The following CYSLTR2 variants were observed in gnomAD, a reference collection of about 807,000 sequenced individuals.
CYSLTR2 encodes the protein G-protein coupled receptor GPCR21.
For missense variants in CYSLTR2, 398 were observed against 411.9 expected, an observed-to-expected ratio of 0.97 and a Z score of 0.29; for synonymous variants, 179 against 160.8, an observed-to-expected ratio of 1.11 and a Z score of -0.86.
rs1160996295 is a variant in CYSLTR2 at position 48,710,605 on chromosome 13, C to T, written c.*2747C>T. The T allele has an allele frequency of 6.6e-6, 1 of 152,150 alleles. No homozygotes were observed. The highest frequency in any genetic ancestry group is 1.9e-4 in the East Asian group (1 of 5,202). 9.4% of individuals were successfully genotyped at this position (152,150 alleles called of 1,614,324 possible). On this transcript the variant is annotated 3_prime_UTR_variant, in exon 5 of 5. Transcript: ENST00000682523. ...CACATGCTGAAGTTGCTAAGATCTACAGTAAGAACAAATCCATCTGTAAAA... is the reference window on the plus strand; with the variant it reads ...CACATGCTGAAGTTGCTAAGATCTATAGTAAGAACAAATCCATCTGTAAAA...
Position 48,696,285 on chromosome 13 carries a change from T to C in CYSLTR2, c.-102-241T>C, listed in dbSNP as rs573367591. On this transcript the variant is annotated intron_variant, in intron 3 of 4. Transcript: ENST00000682523. ...ACTGTTGATATTCAAGAGTTCTTTA[T>C]ATATTCTAAATAACCCTGTTTTGAT... 2.2e-4 allele frequency among the ~76,000 whole-genome samples: 33 copies of C among 152,376 alleles called. No homozygotes were observed. In the South Asian group the frequency reaches 6.4e-3, roughly 30 times the overall value.
chr13:48,700,954 G>A (rs1335057060), intron 4 of CYSLTR2, among the ~76,000 whole-genome samples: 1 of 152,204 alleles, frequency 6.6e-6, no homozygotes. Flanking sequence ...TACAAGGGAT[G>A]TGAAGGGCCT....
intron 1 of CYSLTR2, among the ~76,000 whole-genome samples, chr13:48,683,182 A>G (rs894171698): frequency 3.9e-5 from 6 of 152,154 alleles, no homozygotes; most frequent in South Asian, 2.1e-4. Context: ...TAGTGCTGCA[A>G]TGAACATATG....
At chr13:48,668,835 C>T (rs979207751) in intron 1 of CYSLTR2, among the ~76,000 whole-genome samples, 7 of 152,148 alleles carry the variant, frequency 4.6e-5, no homozygotes, top group African/African-American at 1.7e-4. Context: ...GTTCAACTCC[C>T]ACTTCTGAGT....
intron 1 of CYSLTR2, among the ~76,000 whole-genome samples, chr13:48,656,681 C>T (rs1228822456): frequency 2.0e-5 from 3 of 152,144 alleles, no homozygotes; most frequent in Admixed American, 6.5e-5. Flanking sequence ...CCTTGGGCAT[C>T]GTTAGCATTT....
At position 48,710,027 on chromosome 13, in the gene CYSLTR2, C is replaced by T. The variant is rs1594039955; in HGVS notation, c.*2169C>T. ...AAAATAAGCAAGTAAAAACGCAATA[C>T]AGTTTTTAAGTGCTAGAGGAAAAGA... On this transcript the variant is annotated 3_prime_UTR_variant, in exon 5 of 5. Transcript: ENST00000682523. The T allele has an allele frequency of 6.6e-6, 1 of 152,146 alleles. No homozygotes were observed. The highest frequency in any genetic ancestry group is 6.5e-5 in the Admixed American group (1 of 15,278). 9.4% of individuals were successfully genotyped at this position (152,146 alleles called of 1,614,324 possible). A position where few individuals can be genotyped will look rare whatever the true frequency, so the allele number is the denominator to read the frequency against.
rs74075002 is a variant in CYSLTR2, at chr13:48,660,853, G to A, written c.-266+6836G>A. Among the ~76,000 whole-genome samples, 1,055 of 152,278 alleles carry A rather than the reference G, an allele frequency of 6.9e-3. 15 individuals carry two copies. The highest frequency in any genetic ancestry group is 0.024 in the African/African-American group (1,005 of 41,550). On this transcript the variant is annotated intron_variant, in intron 1 of 4. Coordinates refer to ENST00000682523, the MANE Select transcript of CYSLTR2 (RefSeq NM_001308476.3). Reference sequence around the variant, plus strand: ...TGATACTTCCCTGTTCTGGAGGGCCGTGTTAATTCAGCACTCTGAGGCCTC... The same window carrying A: ...TGATACTTCCCTGTTCTGGAGGGCCATGTTAATTCAGCACTCTGAGGCCTC...
chr13:48,688,776 A>G (rs1437656185), intron 1 of CYSLTR2, among the ~76,000 whole-genome samples: 2 of 152,196 alleles, frequency 1.3e-5, no homozygotes, highest in Non-Finnish European at 2.9e-5. Flanking sequence ...TATACCCAGT[A>G]ATGGGATGGC....
At position 48,684,092 on chromosome 13, in the gene CYSLTR2, T is replaced by C. The variant is rs58314477; in HGVS notation, c.-265-7120T>C. On this transcript the variant is annotated intron_variant, in intron 1 of 4. Transcript: ENST00000682523. ...CACCACCATACCTGGCTAATTTTTT[T>C]AAATTACTTTTTGTAGAGATCGGGG... 6.2e-3 allele frequency among the ~76,000 whole-genome samples: 944 copies of C among 152,016 alleles called. 12 individuals carry two copies. The highest frequency in any genetic ancestry group is 0.021 in the African/African-American group (888 of 41,390).
At chr13:48,657,845 T>G (rs1365347405) in intron 1 of CYSLTR2, among the ~76,000 whole-genome samples, 2 of 151,568 alleles carry the variant, frequency 1.3e-5, no homozygotes, top group East Asian at 3.9e-4. Flanking sequence ...TTGTATAAAT[T>G]TATGGATTAC....
At chr13:48,695,067 CATTTT>C (rs1340082999) in intron 3 of CYSLTR2, among the ~76,000 whole-genome samples, 5 of 83,698 alleles carry the variant, frequency 6.0e-5, no homozygotes, top group Admixed American at 2.5e-4. Context: ...CAGAACCTGG[CATTTT>C]TTTTTTTTTT....
At chr13:48,688,830 C>T (rs1291017356) in intron 1 of CYSLTR2, among the ~76,000 whole-genome samples, 12 of 152,190 alleles carry the variant, frequency 7.9e-5, no homozygotes, top group Admixed American at 6.5e-5. Flanking sequence ...GAGGAATCGC[C>T]GCACTGCCTT....
chr13:48,680,261 G>A (rs779857394), intron 1 of CYSLTR2, among the ~76,000 whole-genome samples: 6 of 152,172 alleles, frequency 3.9e-5, no homozygotes, highest in African/African-American at 7.2e-5. Flanking sequence ...AGTGTTGACG[G>A]AGAGGGGTTA....
At chr13:48,656,845 G>A (rs775327090) in intron 1 of CYSLTR2, among the ~76,000 whole-genome samples, 22 of 152,182 alleles carry the variant, frequency 1.4e-4, no homozygotes, top group Non-Finnish European at 1.9e-4. Context: ...TGGCTAATGC[G>A]GCAGCCAAAT....
intron 1 of CYSLTR2, among the ~76,000 whole-genome samples, chr13:48,681,602 C>T (rs894905549): frequency 3.3e-5 from 5 of 152,130 alleles, no homozygotes; most frequent in African/African-American, 1.2e-4. Context: ...GGTGGACCAC[C>T]TATTACTATT....
chr13:48,664,790 T>G (rs778251546), intron 1 of CYSLTR2, among the ~76,000 whole-genome samples: 20 of 151,978 alleles, frequency 1.3e-4, no homozygotes, highest in Admixed American at 3.9e-4. Flanking sequence ...GTTCACCTTT[T>G]GTATTTTTTT....
At chr13:48,655,384 C>T (rs1000335924) in intron 1 of CYSLTR2, among the ~76,000 whole-genome samples, 2 of 152,192 alleles carry the variant, frequency 1.3e-5, no homozygotes, top group African/African-American at 4.8e-5. Flanking sequence ...CTCTGGCTTT[C>T]AGGAGCCACA....
intron 1 of CYSLTR2, among the ~76,000 whole-genome samples, chr13:48,657,968 C>G (rs1452869247): frequency 6.6e-6 from 1 of 151,974 alleles, no homozygotes; most frequent in Non-Finnish European, 1.5e-5. Context: ...TTTAAGTAAG[C>G]TGGTTTCTCT....
At chr13:48,671,747 G>A (rs949418548) in intron 1 of CYSLTR2, among the ~76,000 whole-genome samples, 7 of 151,956 alleles carry the variant, frequency 4.6e-5, no homozygotes, top group Admixed American at 4.6e-4. Context: ...TCTTTTTTTT[G>A]TTGTGTCTCT....
Sources: gnomAD v4.1 joint callset for allele counts (sites outside exome capture counted in the v4.1 genomes callset) on GRCh38, gnomAD v4.1.1 for gene constraint, MANE v1.5 for transcripts, NCBI Gene and HGNC (gene_info 2026-07-23, HGNC 2026-07-21) for gene names.